Variants in MGMT observed in about 807,000 individuals in gnomAD.
MGMT encodes the protein methylated-DNA--protein-cysteine methyltransferase.
Under a neutral mutation model 15.9 loss-of-function variants are expected in MGMT, and 14 were observed. That is an observed-to-expected ratio of 0.88 (90% CI 0.58 to 1.37). MGMT has a LOEUF of 1.37. Among genes scored for constraint, MGMT ranks in the 40% most tolerant of loss-of-function variants. MGMT has a pLI of 0.00. For synonymous variants in MGMT, 130 were observed against 118.2 expected (o/e 1.10, Z -0.65); for missense variants, 282 against 268.1 (o/e 1.05, Z -0.36).
chr10:129,515,329 G>A (rs1845727035), intron 1 of MGMT, among the ~76,000 whole-genome samples: 1 of 152,210 alleles, frequency 6.6e-6, no homozygotes, highest in Non-Finnish European at 1.5e-5. Flanking sequence ...TGAGCACAGG[G>A]CGGAGTGTGG....
chr10:129,718,141 A>G (rs143777156), intron 3 of MGMT, among the ~76,000 whole-genome samples: 6 of 152,344 alleles, frequency 3.9e-5, no homozygotes, highest in African/African-American at 7.2e-5. Flanking sequence ...TTTTAAGGCC[A>G]GGACTTCTAA....
intron 1 of MGMT, among the ~76,000 whole-genome samples, chr10:129,511,947 T>G (rs1053110895): frequency 6.6e-6 from 1 of 152,222 alleles, no homozygotes; most frequent in Non-Finnish European, 1.5e-5. Flanking sequence ...GCTGCTGCTC[T>G]TCCTTAGGTC....
At chr10:129,552,187 C>A (rs916040617) in intron 2 of MGMT, among the ~76,000 whole-genome samples, 2 of 152,228 alleles carry the variant, frequency 1.3e-5, no homozygotes, top group Admixed American at 6.5e-5. Flanking sequence ...GCCGCCCACC[C>A]GCTCATGGCC....
intron 1 of MGMT, among the ~76,000 whole-genome samples, chr10:129,508,966 C>G (rs949063942): frequency 2.0e-5 from 3 of 151,964 alleles, no homozygotes; most frequent in Non-Finnish European, 4.4e-5. Context: ...TTGCTAATTA[C>G]TTATTTGAAA....
At position 129,588,934 on chromosome 10, in the gene MGMT, G is replaced by C. The variant is rs556929642; in HGVS notation, c.125+52557G>C. Among the ~76,000 whole-genome samples, 7 of 152,236 alleles carry C rather than the reference G, an allele frequency of 4.6e-5. 1 individual carries two copies. Among genetic ancestry groups the C allele is most frequent in the Admixed American group, 3.3e-4 (5 of 15,284 alleles). ...AGAAACTCGCGCAGATTCCCCTCAGGGGGAGGGAAGCTGTTTTGTAGGTGT... is the reference window on the plus strand; with the variant it reads ...AGAAACTCGCGCAGATTCCCCTCAGCGGGAGGGAAGCTGTTTTGTAGGTGT... On this transcript the variant is annotated intron_variant, in intron 2 of 4. Transcript: ENST00000651593.
intron 2 of MGMT, among the ~76,000 whole-genome samples, chr10:129,594,438 A>G (rs181815284): frequency 6.6e-6 from 1 of 152,356 alleles, no homozygotes; most frequent in East Asian, 1.9e-4. Context: ...AAATATGTTC[A>G]GTCTTACACT....
chr10:129,557,325 C>T (rs548045391), intron 2 of MGMT, among the ~76,000 whole-genome samples: 9 of 152,270 alleles, frequency 5.9e-5, no homozygotes, highest in Non-Finnish European at 1.3e-4. Context: ...TTGACATCTT[C>T]CCACCTTTCC....
intron 1 of MGMT, among the ~76,000 whole-genome samples, chr10:129,471,069 G>A (rs1322720807): frequency 6.6e-6 from 1 of 152,190 alleles, no homozygotes; most frequent in East Asian, 1.9e-4. Context: ...AGTCTGGGCT[G>A]GGGGACACCG....
rs1055979702 is a variant in MGMT at position 129,770,960 on chromosome 10, T to C, written c.*3963T>C. Among the ~76,000 whole-genome samples the C allele has an allele frequency of 1.2e-4, 18 of 152,280 alleles. No individual in the cohort carries two copies. Among genetic ancestry groups the C allele is most frequent in the Middle Eastern group, 3.4e-3 (1 of 294 alleles). Reference sequence around the variant, plus strand: ...TCTTTCTTTCCTGTTCATGGGCATTTGATTAAAAGTTTGTGTTTAAAGAGC... The same window carrying C: ...TCTTTCTTTCCTGTTCATGGGCATTCGATTAAAAGTTTGTGTTTAAAGAGC... On this transcript the variant is annotated 3_prime_UTR_variant, in exon 5 of 5. Transcript: ENST00000651593.
chr10:129,615,600 C>T (rs1206279889), intron 2 of MGMT, among the ~76,000 whole-genome samples: 3 of 152,178 alleles, frequency 2.0e-5, no homozygotes, highest in East Asian at 3.9e-4. Context: ...CCAGTGCAGG[C>T]GGTGTCCACA....
intron 2 of MGMT, among the ~76,000 whole-genome samples, chr10:129,591,897 C>T (rs151223822): frequency 0.01 from 1,534 of 152,294 alleles, 22 homozygotes; most frequent in African/African-American, 0.035. Flanking sequence ...CGCCACTGCA[C>T]TCCAGCCTGG....
chr10:129,704,523 T>A (rs907880630), intron 2 of MGMT, among the ~76,000 whole-genome samples: 1 of 152,074 alleles, frequency 6.6e-6, no homozygotes, highest in Middle Eastern at 3.2e-3. Context: ...CCGGGGCATG[T>A]TCTGTCTGGC....
At chr10:129,564,551 TTCC>T (rs148121374) in intron 2 of MGMT, among the ~76,000 whole-genome samples, 2,161 of 83,072 alleles carry the variant, frequency 0.026, 70 homozygotes, top group African/African-American at 0.04. Flanking sequence ...CTTCCTCATC[TTCC>T]TCTTCTTCCT....
chr10:129,704,589 G>A (rs951247647), intron 2 of MGMT, among the ~76,000 whole-genome samples: 2 of 152,086 alleles, frequency 1.3e-5, no homozygotes, highest in Non-Finnish European at 2.9e-5. Context: ...TTGGTTCACA[G>A]GTCCGACTGC....
chr10:129,487,076 G>C (rs867084219), intron 1 of MGMT, among the ~76,000 whole-genome samples: 3 of 152,142 alleles, frequency 2.0e-5, no homozygotes, highest in Non-Finnish European at 2.9e-5. Context: ...TAGCTGGTAT[G>C]AACCACCCAG....
At chr10:129,578,547 G>C (rs1392966368) in intron 2 of MGMT, among the ~76,000 whole-genome samples, 1 of 151,970 alleles carries the variant, frequency 6.6e-6, no homozygotes, top group Non-Finnish European at 1.5e-5. Flanking sequence ...GTGGGAGGAG[G>C]GGGAGGGGTA....
chr10:129,697,466 GTTA>G (rs138755366), intron 2 of MGMT, among the ~76,000 whole-genome samples: 1,697 of 152,168 alleles, frequency 0.011, 25 homozygotes, highest in African/African-American at 0.038. Flanking sequence ...TTGGTAAGTT[GTTA>G]TTACATAACC....
At chr10:129,481,834 C>T (rs1485158586) in intron 1 of MGMT, among the ~76,000 whole-genome samples, 2 of 151,952 alleles carry the variant, frequency 1.3e-5, no homozygotes, top group Non-Finnish European at 2.9e-5. Context: ...CCCTTTTTTG[C>T]TAACTGGTCT....
At chr10:129,527,767 T>TG (rs71035595) in intron 1 of MGMT, among the ~76,000 whole-genome samples, 37,730 of 151,900 alleles carry the variant, frequency 0.25, 5,635 homozygotes, top group African/African-American at 0.42. Context: ...TTCTCCGACT[T>TG]CATCCCAGGA....
Sources: allele counts gnomAD v4.1 joint callset (sites outside exome capture counted in the v4.1 genomes callset), GRCh38; gene constraint gnomAD v4.1.1; transcripts MANE v1.5; gene names NCBI Gene and HGNC (gene_info 2026-07-23, HGNC 2026-07-21).